Variants in LIMA1 observed in about 807,000 individuals in gnomAD.
The protein encoded by LIMA1 is LIM domain and actin-binding protein 1.
Under a neutral mutation model 62.6 loss-of-function variants are expected in LIMA1, and 52 were observed. The observed-to-expected ratio is 0.83, with a 90% CI of 0.67 to 1.05. The LOEUF (loss-of-function observed/expected upper bound fraction) is 1.05, where lower values mean the gene tolerates loss of function less well. Ranked by LOEUF, LIMA1 falls within the 50% of genes least tolerant of loss-of-function variation. The pLI is 0.00. For synonymous variants in LIMA1, 302 were observed against 317.8 expected, an observed-to-expected ratio of 0.95 and a Z score of 0.53; for missense variants, 780 against 902.2, an observed-to-expected ratio of 0.86 and a Z score of 1.74.
intron 3 of LIMA1, chr12:50,229,971 A>C (rs1178548584): frequency 2.0e-5 from 3 of 152,256 alleles, no homozygotes; most frequent in Non-Finnish European, 4.4e-5. Flanking sequence ...CCTAGACTCT[A>C]TCCTCCTTAC....
At chr12:50,235,549 G>A (rs1189274894) in intron 2 of LIMA1, among the ~76,000 whole-genome samples, 1 of 152,084 alleles carries the variant, frequency 6.6e-6, no homozygotes, top group Non-Finnish European at 1.5e-5. Flanking sequence ...ACAGGTGTAA[G>A]CCACCGTGCC....
chr12:50,271,592 C>G (rs1288623716), intron 1 of LIMA1, among the ~76,000 whole-genome samples: 2 of 152,032 alleles, frequency 1.3e-5, no homozygotes, highest in Non-Finnish European at 1.5e-5. Flanking sequence ...CATTAAGTCA[C>G]TAGCTTCAAA....
At chr12:50,202,913 A>C (rs1216708655) in intron 6 of LIMA1, among the ~76,000 whole-genome samples, 1 of 152,128 alleles carries the variant, frequency 6.6e-6, no homozygotes, top group Non-Finnish European at 1.5e-5. Context: ...CTTAGAACAA[A>C]TGCTTGAAGG....
chr12:50,193,009 C>T (rs1057177031), intron 8 of LIMA1, among the ~76,000 whole-genome samples: 17 of 139,374 alleles, frequency 1.2e-4, no homozygotes, highest in Admixed American at 5.5e-4. Context: ...TGTGTGCGCG[C>T]GTGCGCGCAT....
Position 50,195,891 on chromosome 12 carries a change from CAAAAA to C in LIMA1, c.973-9_973-5del, listed in dbSNP as rs373254884. ...GGCTATTCTCATTTGCAGAAATCTA[CAAAAA>C]AAAAAAAAAAAAAAAAGTTAGAGGG... On this transcript the variant is annotated splice_polypyrimidine_tract_variant and splice_region_variant and intron_variant, in intron 7 of 10. Transcript: ENST00000341247. The C allele has an allele frequency of 9.0e-5, 98 of 1,092,574 alleles. No homozygotes were observed. The highest frequency in any genetic ancestry group is 2.6e-4 in the South Asian group (12 of 45,534). 67.7% of individuals were successfully genotyped at this position (1,092,574 alleles called of 1,614,324 possible).
chr12:50,263,263 AG>A (rs1565862718), intron 1 of LIMA1, among the ~76,000 whole-genome samples: 1 of 152,206 alleles, frequency 6.6e-6, no homozygotes, highest in Non-Finnish European at 1.5e-5. Context: ...ATTTACTGAG[AG>A]GTCAAAGTTA....
At chr12:50,203,316 A>G (rs1203566854) in intron 6 of LIMA1, among the ~76,000 whole-genome samples, 1 of 151,952 alleles carries the variant, frequency 6.6e-6, no homozygotes, top group Non-Finnish European at 1.5e-5. Context: ...GCCTGGCTAT[A>G]AGGTAACTTC....
At chr12:50,254,920 C>T (rs1359827713) in intron 1 of LIMA1, among the ~76,000 whole-genome samples, 1 of 151,754 alleles carries the variant, frequency 6.6e-6, no homozygotes, top group Non-Finnish European at 1.5e-5. Flanking sequence ...ATTAGCCAGG[C>T]GTGGTGGTGC....
At chr12:50,236,831 G>A (rs1049772640) in intron 2 of LIMA1, among the ~76,000 whole-genome samples, 2 of 152,036 alleles carry the variant, frequency 1.3e-5, no homozygotes, top group African/African-American at 2.4e-5. Context: ...TAATCCCAGC[G>A]CTTTGGGAAG....
intron 3 of LIMA1, chr12:50,229,672 A>T (rs1284264172): frequency 2.0e-5 from 3 of 152,144 alleles, no homozygotes; most frequent in African/African-American, 7.2e-5. Context: ...GTGCACATGT[A>T]CCCTAGAACT....
intron 9 of LIMA1, among the ~76,000 whole-genome samples, chr12:50,183,004 C>G (rs1475172563): frequency 6.6e-6 from 1 of 152,082 alleles, no homozygotes; most frequent in Non-Finnish European, 1.5e-5. Flanking sequence ...GAGTTCGAGA[C>G]CAGCCTGGCC....
At chr12:50,266,629 C>T (rs941963659) in intron 1 of LIMA1, among the ~76,000 whole-genome samples, 4 of 152,256 alleles carry the variant, frequency 2.6e-5, no homozygotes, top group Admixed American at 6.5e-5. Flanking sequence ...GGTGCATCTA[C>T]GGCATAAATT....
intron 1 of LIMA1, among the ~76,000 whole-genome samples, chr12:50,269,918 CAAATAAA>C (rs772691129): frequency 0.036 from 3,133 of 88,070 alleles, 99 homozygotes; most frequent in East Asian, 0.2. Flanking sequence ...AAAACTCCGT[CAAATAAA>C]AAAAAAAAAA....
chr12:50,228,788 C>T (rs1240724749), intron 3 of LIMA1, among the ~76,000 whole-genome samples: 1 of 152,234 alleles, frequency 6.6e-6, no homozygotes, highest in Non-Finnish European at 1.5e-5. Flanking sequence ...TCTACTATTT[C>T]TCCCTCTCTA....
chr12:50,193,360 T>C (rs987950530), intron 8 of LIMA1, among the ~76,000 whole-genome samples: 9 of 150,982 alleles, frequency 6.0e-5, no homozygotes, highest in African/African-American at 9.7e-5. Context: ...TCTGTTTAAT[T>C]CATCATTCTA....
chr12:50,234,435 C>G (rs1165861467), intron 2 of LIMA1, among the ~76,000 whole-genome samples: 1 of 152,050 alleles, frequency 6.6e-6, no homozygotes, highest in Non-Finnish European at 1.5e-5. Flanking sequence ...TCTCGAACTC[C>G]TGGCCTCAAG....
At chr12:50,188,249 A>G (rs1382070101) in intron 9 of LIMA1, 2 of 152,202 alleles carry the variant, frequency 1.3e-5, no homozygotes, top group African/African-American at 4.8e-5. Flanking sequence ...CTGAGTGAAC[A>G]AGTTTATTCT....
chr12:50,263,847 TATATAG>T (rs1405692420), intron 1 of LIMA1, among the ~76,000 whole-genome samples: 9 of 101,694 alleles, frequency 8.9e-5, no homozygotes, highest in South Asian at 7.5e-4. Context: ...TATATATATA[TATATAG>T]AGAGTATATA....
intron 1 of LIMA1, among the ~76,000 whole-genome samples, chr12:50,257,595 T>C (rs1433821529): frequency 1.3e-5 from 2 of 152,356 alleles, no homozygotes; most frequent in East Asian, 3.9e-4. Flanking sequence ...CTCCCTGCTC[T>C]TTCTACCCAA....
Sources: allele counts gnomAD v4.1 joint callset (sites outside exome capture counted in the v4.1 genomes callset), GRCh38; gene constraint gnomAD v4.1.1; transcripts MANE v1.5; gene names NCBI Gene and HGNC (gene_info 2026-07-23, HGNC 2026-07-21).